The following METTL24 variants were observed in gnomAD, a reference collection of about 807,000 sequenced individuals.
METTL24 encodes the protein probable methyltransferase-like protein 24.
Under a neutral mutation model 32.7 loss-of-function variants are expected in METTL24, and 29 were observed. The ratio of observed to expected loss-of-function variants is 0.89; its 90% CI spans 0.66 to 1.21. METTL24 has a LOEUF of 1.21. Ranked by LOEUF, METTL24 falls within the 50% of genes most tolerant of loss-of-function variation. METTL24 has a pLI of 0.00. For synonymous variants in METTL24, 163 were observed against 179.5 expected, an observed-to-expected ratio of 0.91 and a Z score of 0.73; for missense variants, 439 against 468.1, an observed-to-expected ratio of 0.94 and a Z score of 0.57.
rs763313345 is a variant in METTL24 at position 110,315,402 on chromosome 6, T to C, written c.497A>G (p.Asp166Gly). Residue 166 changes from aspartate (D) to glycine (G), a missense_variant, in exon 3 of 5, where the codon GAC (aspartate) becomes GGC (glycine). Physicochemically the swap from Asp to Gly is moderately conservative, Grantham distance 94 (BLOSUM62 -1). Coordinates refer to ENST00000338882, the MANE Select transcript of METTL24 (RefSeq NM_001123364.3). Reference protein sequence around the residue: ...PTHKPWSVCLDDRFNLAHQIR... With the variant: ...PTHKPWSVCLGDRFNLAHQIR... ...TTGATGAGCTAAATTGAACCTGTCG[T>C]CAAGACACACTGACCAGGGCTTGTG... The C allele has an allele frequency of 3.1e-6, 5 of 1,614,066 alleles. No homozygotes were observed. In the African/African-American group the frequency reaches 6.7e-5, roughly 22 times the overall value.
chr6:110,316,148 G>C (rs1295680716), intron 2 of METTL24, among the ~76,000 whole-genome samples: 2 of 152,136 alleles, frequency 1.3e-5, no homozygotes, highest in Non-Finnish European at 1.5e-5. Flanking sequence ...CTTCCTCCTG[G>C]GGGAGAAGGG....
At chr6:110,334,200 T>C (rs1772167673) in intron 1 of METTL24, among the ~76,000 whole-genome samples, 1 of 151,894 alleles carries the variant, frequency 6.6e-6, no homozygotes, top group Non-Finnish European at 1.5e-5. Context: ...CTCCCCGAGG[T>C]CTCTTTGGTG....
In METTL24 at chr6:110,350,647, C is replaced by T. The variant is rs943917344; in HGVS notation, c.318+7308G>A. On this transcript the variant is annotated intron_variant, in intron 1 of 4. Coordinates refer to ENST00000338882, the MANE Select transcript of METTL24 (RefSeq NM_001123364.3). Reference sequence around the variant, plus strand: ...TACTAAATGTCCTCGAAATGGGGGACGGGTGCGGTGACTCACATCTGTAAT... The same window carrying T: ...TACTAAATGTCCTCGAAATGGGGGATGGGTGCGGTGACTCACATCTGTAAT... Among the ~76,000 whole-genome samples the T allele has an allele frequency of 6.6e-4, 100 of 151,890 alleles. 1 individual carries two copies. The highest frequency in any genetic ancestry group is 2.4e-4 in the Non-Finnish European group (16 of 67,952).
At chr6:110,276,037 A>G (rs1771041151) in intron 4 of METTL24, among the ~76,000 whole-genome samples, 1 of 152,196 alleles carries the variant, frequency 6.6e-6, no homozygotes, top group Non-Finnish European at 1.5e-5. Flanking sequence ...TTATTGTAGA[A>G]TGCACACACC....
chr6:110,349,294 CA>C (rs1461164861), intron 1 of METTL24, among the ~76,000 whole-genome samples: 2 of 152,202 alleles, frequency 1.3e-5, no homozygotes, highest in African/African-American at 4.8e-5. Context: ...GTGTTGCTTC[CA>C]GGCTAGAGCT....
chr6:110,346,336 A>G (rs951827337), intron 1 of METTL24, among the ~76,000 whole-genome samples: 2 of 152,194 alleles, frequency 1.3e-5, no homozygotes, highest in Non-Finnish European at 2.9e-5. Context: ...CCCTGCCTTC[A>G]TAGGGAATGA....
intron 4 of METTL24, among the ~76,000 whole-genome samples, chr6:110,268,387 T>C (rs969474790): frequency 7.2e-5 from 11 of 152,114 alleles, no homozygotes; most frequent in Admixed American, 4.6e-4. Flanking sequence ...CCCTATAATA[T>C]TGAAGGATCC....
At chr6:110,263,874 G>C (rs1176733086) in intron 4 of METTL24, among the ~76,000 whole-genome samples, 1 of 152,200 alleles carries the variant, frequency 6.6e-6, no homozygotes, top group Non-Finnish European at 1.5e-5. Context: ...ATGGGGAAAG[G>C]ATTCCCTATT....
At chr6:110,302,151 G>A (rs532377214) in intron 3 of METTL24, among the ~76,000 whole-genome samples, 41 of 151,922 alleles carry the variant, frequency 2.7e-4, no homozygotes, top group African/African-American at 6.8e-4. Context: ...GGTGGTGGGC[G>A]CCTGTAGTCC....
chr6:110,356,497 T>A (rs1443144447), intron 1 of METTL24, among the ~76,000 whole-genome samples: 3 of 151,744 alleles, frequency 2.0e-5, no homozygotes, highest in East Asian at 3.9e-4. Context: ...GAAAGAAACA[T>A]CACATTGTAA....
chr6:110,303,374 G>T (rs1451877406), intron 3 of METTL24, among the ~76,000 whole-genome samples: 1 of 152,164 alleles, frequency 6.6e-6, no homozygotes, highest in East Asian at 1.9e-4. Context: ...TTGCTCAGCA[G>T]ATCCCACCCC....
At chr6:110,306,346 AC>A (rs1284177924) in intron 3 of METTL24, among the ~76,000 whole-genome samples, 3 of 151,366 alleles carry the variant, frequency 2.0e-5, no homozygotes, top group African/African-American at 7.3e-5. Context: ...ATAAAATAAA[AC>A]TAAAAAAAAG....
At chr6:110,262,743 C>T (rs73554817) in intron 4 of METTL24, among the ~76,000 whole-genome samples, 8 of 152,280 alleles carry the variant, frequency 5.3e-5, no homozygotes, top group African/African-American at 1.7e-4. Flanking sequence ...AAACCGAATC[C>T]AGCAGCATAT....
intron 1 of METTL24, chr6:110,357,282 T>C (rs1772717226): frequency 6.6e-6 from 1 of 152,050 alleles, no homozygotes; most frequent in South Asian, 2.1e-4. Context: ...AAGAAGTTAA[T>C]GAGGTAGGAG....
At chr6:110,315,139 A>G (rs1771794644) in intron 3 of METTL24, among the ~76,000 whole-genome samples, 1 of 152,092 alleles carries the variant, frequency 6.6e-6, no homozygotes, top group Admixed American at 6.6e-5. Context: ...AATGGGAGGG[A>G]AAGTGCCTCT....
intron 1 of METTL24, among the ~76,000 whole-genome samples, chr6:110,345,115 G>A (rs965782941): frequency 6.6e-6 from 1 of 151,968 alleles, no homozygotes; most frequent in African/African-American, 2.4e-5. Flanking sequence ...GTGGGCAAAG[G>A]TCATGAACAG....
At chr6:110,254,843 T>G (rs1778353432) in intron 4 of METTL24, among the ~76,000 whole-genome samples, 3 of 152,298 alleles carry the variant, frequency 2.0e-5, no homozygotes, top group Admixed American at 2.0e-4. Flanking sequence ...TATATCTAGG[T>G]TTTTATATAT....
rs112716675 is a variant in METTL24 at position 110,278,386 on chromosome 6, G to A, written c.786+20536C>T. 4.0e-3 allele frequency among the ~76,000 whole-genome samples: 603 copies of A among 152,292 alleles called. 6 individuals carry two copies. The highest frequency in any genetic ancestry group is 0.014 in the African/African-American group (582 of 41,570). Reference sequence around the variant, plus strand: ...ACAGCTTGCATTAAAATCTAGATTAGGGGATGAGACTGAAAGCGATGGCTA... The same window carrying A: ...ACAGCTTGCATTAAAATCTAGATTAAGGGATGAGACTGAAAGCGATGGCTA... On this transcript the variant is annotated intron_variant, in intron 4 of 4. Transcript: ENST00000338882.
At chr6:110,283,667 C>T (rs1771174592) in intron 4 of METTL24, among the ~76,000 whole-genome samples, 1 of 152,184 alleles carries the variant, frequency 6.6e-6, no homozygotes, top group Admixed American at 6.5e-5. Context: ...CGTATTTTTT[C>T]TTTATAGCAC....
Sources: gnomAD v4.1 joint callset for allele counts (sites outside exome capture counted in the v4.1 genomes callset) on GRCh38, gnomAD v4.1.1 for gene constraint, MANE v1.5 for transcripts, NCBI Gene and HGNC (gene_info 2026-07-23, HGNC 2026-07-21) for gene names.